SLC60A1: variants seen among roughly 807,000 people sequenced by gnomAD.
SLC60A1 encodes major facilitator superfamily domain containing 4.
At chr1:205,592,793 G>A in the SLC60A1 span, among the ~76,000 whole-genome samples, 40 of 152,302 alleles carry the variant, frequency 2.6e-4, no homozygotes, top group Admixed American at 1.5e-3. Context: ...TGTCCCCATC[G>A]TAACGTCTGC....
chr1:205,601,225 T>C, the SLC60A1 span: 1 of 152,252 alleles, frequency 6.6e-6, no homozygotes, highest in Non-Finnish European at 1.5e-5. Flanking sequence ...TTGATCTTGA[T>C]GCTCTTGAGG....
At chr1:205,593,245 C>T in the SLC60A1 span, among the ~76,000 whole-genome samples, 1 of 151,848 alleles carries the variant, frequency 6.6e-6, no homozygotes, top group Non-Finnish European at 1.5e-5. Context: ...CCAAGGCAGG[C>T]GGATCACGAG....
the SLC60A1 span, among the ~76,000 whole-genome samples, chr1:205,581,382 C>T: frequency 6.6e-6 from 1 of 152,234 alleles, no homozygotes; most frequent in Non-Finnish European, 1.5e-5. This position sits in a 1 kb window ranked among gnomAD's most constrained non-coding sequence, Gnocchi z 4.2. Context: ...CCCTGCCTGC[C>T]AAGGCAGCCT....
the SLC60A1 span, among the ~76,000 whole-genome samples, chr1:205,574,595 CA>C: frequency 6.6e-6 from 1 of 152,084 alleles, no homozygotes; most frequent in African/African-American, 2.4e-5. Context: ...GAGAATTTTA[CA>C]TTGTGAAATG....
At chr1:205,572,513 C>G in the SLC60A1 span, among the ~76,000 whole-genome samples, 3 of 152,108 alleles carry the variant, frequency 2.0e-5, no homozygotes, top group African/African-American at 7.2e-5. Context: ...AAGTCCTACC[C>G]TGCCCCAGAC....
At chr1:205,571,672 G>C in the SLC60A1 span, among the ~76,000 whole-genome samples, 2 of 152,188 alleles carry the variant, frequency 1.3e-5, no homozygotes, top group South Asian at 4.1e-4. Context: ...CCACCTTGCT[G>C]ACTCTGGGCA....
the SLC60A1 span, chr1:205,592,188 G>T: frequency 6.2e-7 from 1 of 1,614,086 alleles, no homozygotes; most frequent in Non-Finnish European, 8.5e-7. Flanking sequence ...CTCCTACAAC[G>T]TCGTCTTCCT....
At chr1:205,573,092 A>G in the SLC60A1 span, among the ~76,000 whole-genome samples, 1 of 151,084 alleles carries the variant, frequency 6.6e-6, no homozygotes, top group Non-Finnish European at 1.5e-5. Context: ...GTGAGACTCC[A>G]GTGTCAAAAC....
At chr1:205,596,130 C>A in the SLC60A1 span, among the ~76,000 whole-genome samples, 3 of 152,108 alleles carry the variant, frequency 2.0e-5, no homozygotes, top group African/African-American at 4.8e-5. Flanking sequence ...ATGATGACAA[C>A]CATTTTATTA....
At chr1:205,573,636 AG>A in the SLC60A1 span, among the ~76,000 whole-genome samples, 1 of 152,158 alleles carries the variant, frequency 6.6e-6, no homozygotes, top group African/African-American at 2.4e-5. Context: ...GTAGTTGCCT[AG>A]GGCTAAGGGT....
the SLC60A1 span, chr1:205,597,568 T>G: frequency 2.3e-6 from 1 of 440,034 alleles, no homozygotes. Flanking sequence ...TTTTTAAATT[T>G]TACTTTTTGT....
the SLC60A1 span, chr1:205,600,519 A>T: frequency 6.4e-7 from 1 of 1,567,184 alleles, no homozygotes; most frequent in Admixed American, 1.7e-5. Flanking sequence ...GCACGACCAT[A>T]CTGTTTCAGA....
the SLC60A1 span, chr1:205,580,638 CG>C: frequency 6.3e-7 from 1 of 1,585,750 alleles, no homozygotes; most frequent in Non-Finnish European, 8.6e-7. This position sits in a 1 kb window ranked among gnomAD's most constrained non-coding sequence, Gnocchi z 5.0. Context: ...CACCCCCACC[CG>C]CCACCTCTCC....
At chr1:205,570,551 A>G in the SLC60A1 span, among the ~76,000 whole-genome samples, 1 of 152,220 alleles carries the variant, frequency 6.6e-6, no homozygotes, top group African/African-American at 2.4e-5. Flanking sequence ...GATGGACCCC[A>G]CTTTAAGCCT....
chr1:205,597,827 G>A, the SLC60A1 span: 1 of 1,614,046 alleles, frequency 6.2e-7, no homozygotes, highest in Non-Finnish European at 8.5e-7. Flanking sequence ...TGGCGAGATG[G>A]TGCTGCAGAT....
chr1:205,600,746 C>G, the SLC60A1 span: 3 of 387,334 alleles, frequency 7.7e-6, no homozygotes, highest in East Asian at 1.4e-4. Flanking sequence ...GCGCGCTTCA[C>G]TCCATTTGTC....
At chr1:205,584,181 C>A in the SLC60A1 span, 2 of 1,539,974 alleles carry the variant, frequency 1.3e-6, no homozygotes, top group Non-Finnish European at 1.8e-6. Flanking sequence ...TCCTTGGTAA[C>A]CCCTCTCCCA....
At chr1:205,580,759 C>T in the SLC60A1 span, 1 of 1,614,180 alleles carries the variant, frequency 6.2e-7, no homozygotes, top group Non-Finnish European at 8.5e-7. This position sits in a 1 kb window ranked among gnomAD's most constrained non-coding sequence, Gnocchi z 5.0. Flanking sequence ...ATAGCACGGC[C>T]AACACCACCT....
chr1:205,598,090 A>G, the SLC60A1 span: 1 of 451,632 alleles, frequency 2.2e-6, no homozygotes, highest in South Asian at 2.4e-5. Flanking sequence ...CAAAGCAAAC[A>G]CAAGCCATGT....
Sources: gnomAD v4.1 joint callset for allele counts (sites outside exome capture counted in the v4.1 genomes callset) on GRCh38, gnomAD v4.1.1 for gene constraint, Gnocchi (gnomAD v3.1) non-coding constraint, MANE v1.5 for transcripts, NCBI Gene and HGNC (gene_info 2026-07-23, HGNC 2026-07-21) for gene names.